The following MVB12B variants were observed in gnomAD, a reference collection of about 807,000 sequenced individuals.
MVB12B encodes multivesicular body subunit 12B, also known as ESCRT-I complex subunit MVB12B.
MVB12B carries 16 observed loss-of-function variants against 41.6 expected under a neutral mutation model. That is an observed-to-expected ratio of 0.38 (90% CI 0.26 to 0.58). The LOEUF (loss-of-function observed/expected upper bound fraction) is 0.58. Ranked by LOEUF, MVB12B falls within the 20% of genes least tolerant of loss-of-function variation. The pLI is 0.62. For missense variants in MVB12B, 274 were observed against 380.2 expected, an observed-to-expected ratio of 0.72 and a Z score of 2.32; for synonymous variants, 133 against 139.7, an observed-to-expected ratio of 0.95 and a Z score of 0.34.
intron 7 of MVB12B, among the ~76,000 whole-genome samples, chr9:126,475,414 A>G (rs1833401711): frequency 2.0e-5 from 3 of 152,220 alleles, no homozygotes. Context: ...CACAGTAGCC[A>G]GCTGTATTTA....
intron 7 of MVB12B, among the ~76,000 whole-genome samples, chr9:126,475,965 C>T (rs903555795): frequency 7.3e-6 from 1 of 137,762 alleles, no homozygotes; most frequent in South Asian, 2.4e-4. Context: ...CTGAGGCTCC[C>T]GTCTCTGTCA....
At position 126,359,430 on chromosome 9, in the gene MVB12B, A is replaced by G. The variant is rs184956224; in HGVS notation, c.204+18800A>G. Among the ~76,000 whole-genome samples, 3 of 152,280 alleles carry G rather than the reference A, an allele frequency of 2.0e-5. No homozygotes were observed. The East Asian group carries it at 5.8e-4, about 29-fold the overall frequency. On this transcript the variant is annotated intron_variant, in intron 2 of 9. Transcript: ENST00000361171. The stretch of plus-strand genomic sequence containing the variant: ...ACTGGTCTCATATACTGAGTTGAGA[A>G]GTGTTCCTTTCTTGCCTGTTTTCTG...
chr9:126,450,213 T>A (rs1254690977), intron 7 of MVB12B, among the ~76,000 whole-genome samples: 1 of 152,206 alleles, frequency 6.6e-6, no homozygotes, highest in Non-Finnish European at 1.5e-5. Flanking sequence ...CCCCTGGCCC[T>A]CCCTGGGAAG....
In MVB12B at chr9:126,391,621, C is replaced by T. The variant is rs578208365; in HGVS notation, c.410-445C>T. 3.5e-4 allele frequency among the ~76,000 whole-genome samples: 54 copies of T among 152,318 alleles called. No homozygotes were observed. The highest frequency in any genetic ancestry group is 1.3e-3 in the African/African-American group (53 of 41,570). ...AGAGGAAACCAGCTTGTCCATTGTG[C>T]ACAGCATTGACACTGGGTGACGGGA... On this transcript the variant is annotated intron_variant, in intron 4 of 9. Coordinates refer to ENST00000361171, the MANE Select transcript of MVB12B (RefSeq NM_033446.3). This position sits in a 1 kb window ranked among gnomAD's most constrained non-coding sequence, Gnocchi z 4.4.
chr9:126,342,835 A>G (rs183782339), intron 2 of MVB12B, among the ~76,000 whole-genome samples: 15 of 152,338 alleles, frequency 9.8e-5, no homozygotes, highest in Non-Finnish European at 1.9e-4. Flanking sequence ...CCAAAGTGCA[A>G]GGCGCTCTGT....
At chr9:126,425,996 A>G (rs1343162135) in intron 7 of MVB12B, among the ~76,000 whole-genome samples, 3 of 152,242 alleles carry the variant, frequency 2.0e-5, no homozygotes, top group Non-Finnish European at 4.4e-5. Flanking sequence ...GGACAAAAAT[A>G]AAAAGAGTAA....
At chr9:126,501,755 A>G (rs988421262) in intron 9 of MVB12B, among the ~76,000 whole-genome samples, 2 of 152,178 alleles carry the variant, frequency 1.3e-5, no homozygotes, top group Admixed American at 1.3e-4. Context: ...GTGCCCCTGA[A>G]GGCTCAGCCC....
At chr9:126,327,145 T>C (rs1829000920) in intron 1 of MVB12B, 135 bp downstream of exon 1, 1 of 596,866 alleles carries the variant, frequency 1.7e-6, no homozygotes, top group Non-Finnish European at 2.1e-6. Context: ...GCCTGCGGGC[T>C]CCGTGCCCGG....
intron 3 of MVB12B, among the ~76,000 whole-genome samples, chr9:126,384,293 T>C (rs1172321678): frequency 6.6e-6 from 1 of 152,068 alleles, no homozygotes; most frequent in Non-Finnish European, 1.5e-5. Flanking sequence ...GAATATCAAA[T>C]TGTTGGTAAA....
At chr9:126,500,703 C>T (rs970397641) in intron 9 of MVB12B, among the ~76,000 whole-genome samples, 1 of 152,242 alleles carries the variant, frequency 6.6e-6, no homozygotes, top group Non-Finnish European at 1.5e-5. Context: ...CTATCCACGC[C>T]GTAGGCCCTC....
intron 7 of MVB12B, among the ~76,000 whole-genome samples, chr9:126,464,968 G>A (rs931096441): frequency 2.6e-5 from 4 of 152,166 alleles, no homozygotes; most frequent in African/African-American, 9.7e-5. Flanking sequence ...CTCTCGTGCC[G>A]GTATCGGCTT....
intron 6 of MVB12B, among the ~76,000 whole-genome samples, chr9:126,406,090 G>A (rs1040115053): frequency 2.0e-5 from 3 of 151,650 alleles, no homozygotes; most frequent in African/African-American, 7.3e-5. Flanking sequence ...TGTCACCCAG[G>A]CTGGCGTGTT....
intron 7 of MVB12B, among the ~76,000 whole-genome samples, chr9:126,461,304 T>C (rs1307861512): frequency 6.6e-6 from 1 of 152,184 alleles, no homozygotes; most frequent in Non-Finnish European, 1.5e-5. Flanking sequence ...ATCACGCTGC[T>C]GGAGAGGAGC....
At position 126,391,984 on chromosome 9, in the gene MVB12B, C is replaced by T. The variant is rs556844548; in HGVS notation, c.410-82C>T. On this transcript the variant is annotated intron_variant, in intron 4 of 9. Coordinates refer to ENST00000361171, the MANE Select transcript of MVB12B (RefSeq NM_033446.3). The surrounding 1 kb of genome is among the most constrained non-coding windows in gnomAD (Gnocchi z 4.4). ...GCCACTTCTGCTGCCAGGAATAGGG[C>T]GTGACAGGGGATGTGGTTTTCAGAA... 26 of 1,507,208 alleles carry T rather than the reference C, an allele frequency of 1.7e-5. No individual in the cohort carries two copies. The highest frequency in any genetic ancestry group is 7.0e-5 in the South Asian group (6 of 85,998). 93.4% of individuals were successfully genotyped at this position (1,507,208 alleles called of 1,614,324 possible).
At chr9:126,403,042 G>T (rs1320978523) in intron 6 of MVB12B, among the ~76,000 whole-genome samples, 1 of 152,176 alleles carries the variant, frequency 6.6e-6, no homozygotes. Flanking sequence ...TCTGGGGTGG[G>T]CTTCTGGGGC....
At chr9:126,470,750 T>C (rs1480139625) in intron 7 of MVB12B, among the ~76,000 whole-genome samples, 2 of 151,898 alleles carry the variant, frequency 1.3e-5, no homozygotes, top group South Asian at 4.2e-4. Context: ...CTGGTCTGGG[T>C]GCCCAATGAG....
At chr9:126,374,288 C>T (rs1481108160) in intron 2 of MVB12B, among the ~76,000 whole-genome samples, 1 of 152,358 alleles carries the variant, frequency 6.6e-6, no homozygotes, top group East Asian at 1.9e-4. Context: ...CCCAGGCCTC[C>T]GGCCCCCAGA....
intron 6 of MVB12B, among the ~76,000 whole-genome samples, chr9:126,400,836 A>G (rs1379943809): frequency 6.6e-6 from 1 of 152,214 alleles, no homozygotes; most frequent in African/African-American, 2.4e-5. Context: ...TGATGCGGAC[A>G]CCGTGTCTCC....
intron 1 of MVB12B, among the ~76,000 whole-genome samples, chr9:126,329,099 A>G (rs4837061): frequency 0.01 from 1,578 of 152,224 alleles, 46 homozygotes; most frequent in East Asian, 0.059. Flanking sequence ...TTAGTCTTCA[A>G]CGGGACAACC....
Sources: allele counts gnomAD v4.1 joint callset (sites outside exome capture counted in the v4.1 genomes callset), GRCh38; gene constraint gnomAD v4.1.1; non-coding constraint Gnocchi (gnomAD v3.1); transcripts MANE v1.5; gene names NCBI Gene and HGNC (gene_info 2026-07-23, HGNC 2026-07-21).